AGTPBP1: variants seen among roughly 807,000 people sequenced by gnomAD.
The protein encoded by AGTPBP1 is ATP/GTP binding carboxypeptidase 1.
AGTPBP1 carries 70 observed loss-of-function variants against 143.9 expected under a neutral mutation model. That is an observed-to-expected ratio of 0.49 (90% CI 0.40 to 0.59). AGTPBP1 has a LOEUF of 0.59. AGTPBP1 is among the 20% of genes least tolerant of loss of function. The pLI is 0.00. For missense variants in AGTPBP1, 1,229 were observed against 1,464.5 expected, an observed-to-expected ratio of 0.84 and a Z score of 2.62; for synonymous variants, 463 against 500.2, an observed-to-expected ratio of 0.93 and a Z score of 0.99.
Position 85,741,912 on chromosome 9 carries a change from G to GGCGGCAGCT in AGTPBP1, c.-172_-171insAGCTGCCGC, listed in dbSNP as rs1554747178. ...CGGTGGCAGGCGAGGCGGAGGCGGC[G>GGCGGCAGCT]GCGGCGGCAGCTGCGGCGGCGGCGC... is the stretch of plus-strand genomic sequence containing the variant. On this transcript the variant is annotated 5_prime_UTR_variant, in exon 1 of 26. Coordinates refer to ENST00000357081, the MANE Select transcript of AGTPBP1 (RefSeq NM_001330701.2). 4 of 1,329,770 alleles carry GGCGGCAGCT rather than the reference G, an allele frequency of 3.0e-6. No individual in the cohort carries two copies. In the African/African-American group the frequency reaches 6.2e-5, roughly 20 times the overall value. The allele number at this position is 1,329,770 out of a possible 1,614,324, so 82.4% of individuals were successfully genotyped here.
chr9:85,591,849 C>T (rs1011814519), intron 19 of AGTPBP1, among the ~76,000 whole-genome samples: 3 of 152,018 alleles, frequency 2.0e-5, no homozygotes, highest in Admixed American at 6.6e-5. Flanking sequence ...GTAAATTGAT[C>T]ACATCTTCAT....
intron 11 of AGTPBP1, among the ~76,000 whole-genome samples, chr9:85,648,799 G>A (rs1163318010): frequency 1.3e-5 from 2 of 152,104 alleles, no homozygotes; most frequent in South Asian, 2.1e-4. Context: ...GCAACAGTGC[G>A]AGACTCCGTC....
intron 8 of AGTPBP1, among the ~76,000 whole-genome samples, chr9:85,663,155 A>C (rs1208357939): frequency 2.0e-5 from 3 of 152,184 alleles, no homozygotes; most frequent in Non-Finnish European, 2.9e-5. Context: ...AATACCAGAA[A>C]ATGAAAGCTG....
At chr9:85,599,723 T>C (rs935294458) in intron 17 of AGTPBP1, among the ~76,000 whole-genome samples, 1 of 152,250 alleles carries the variant, frequency 6.6e-6, no homozygotes, top group African/African-American at 2.4e-5. Context: ...CTTCACTCTG[T>C]ACATTTTCTG....
At chr9:85,782,472 G>A in the AGTPBP1 span, among the ~76,000 whole-genome samples, 3 of 152,134 alleles carry the variant, frequency 2.0e-5, no homozygotes, top group East Asian at 3.9e-4. Flanking sequence ...CTGAGATCAC[G>A]ACATTGCACC....
At chr9:85,643,594 C>CAGTG (rs1273494376) in intron 12 of AGTPBP1, among the ~76,000 whole-genome samples, 1 of 152,132 alleles carries the variant, frequency 6.6e-6, no homozygotes. Context: ...TGTCACCATT[C>CAGTG]ACTCTGTTTT....
the AGTPBP1 span, among the ~76,000 whole-genome samples, chr9:85,776,780 G>T: frequency 6.6e-6 from 1 of 152,208 alleles, no homozygotes; most frequent in South Asian, 2.1e-4. Flanking sequence ...CTGAAACAAA[G>T]ACCTCTAGGC....
At chr9:85,548,863 C>T (rs986269652) in intron 25 of AGTPBP1, among the ~76,000 whole-genome samples, 1 of 151,900 alleles carries the variant, frequency 6.6e-6, no homozygotes, top group East Asian at 1.9e-4. Context: ...TTAGTAGAGA[C>T]GAGGTTTCAC....
chr9:85,701,437 C>T (rs1218734758), intron 2 of AGTPBP1, among the ~76,000 whole-genome samples: 2 of 151,920 alleles, frequency 1.3e-5, no homozygotes, highest in South Asian at 2.1e-4. Flanking sequence ...ACCATGTTAG[C>T]CAGGCTGGTC....
At chr9:85,669,435 C>A in intron 8 of AGTPBP1, 50 bp downstream of exon 8, 1 of 1,179,406 alleles carries the variant, frequency 8.5e-7, no homozygotes, top group East Asian at 2.5e-5. Context: ...ATAATGAGGC[C>A]CAGAGTAACA....
At chr9:85,742,661 A>G (rs1434587983), upstream of AGTPBP1, among the ~76,000 whole-genome samples, 1 of 152,188 alleles carries the variant, frequency 6.6e-6, no homozygotes. Context: ...CAAAACGGTA[A>G]TGCTAAGTTG....
chr9:85,608,084 C>T (rs373649751), intron 17 of AGTPBP1, among the ~76,000 whole-genome samples: 3 of 151,984 alleles, frequency 2.0e-5, no homozygotes, highest in East Asian at 3.9e-4. Flanking sequence ...TTCAGCATTA[C>T]TAGAAGACAG....
chr9:85,752,015 G>A, the AGTPBP1 span, among the ~76,000 whole-genome samples: 1 of 149,822 alleles, frequency 6.7e-6, no homozygotes, highest in Non-Finnish European at 1.5e-5. Context: ...GATCACCTGA[G>A]TTCAGGTGTT....
intron 17 of AGTPBP1, among the ~76,000 whole-genome samples, chr9:85,603,730 G>C (rs1829815779): frequency 6.6e-6 from 1 of 152,164 alleles, no homozygotes; most frequent in Non-Finnish European, 1.5e-5. Flanking sequence ...TTCGGGACCT[G>C]CCCCAGGCCA....
chr9:85,637,830 A>G (rs566738222), intron 13 of AGTPBP1, among the ~76,000 whole-genome samples: 23 of 152,368 alleles, frequency 1.5e-4, no homozygotes, highest in Middle Eastern at 3.4e-3. Flanking sequence ...GTAACCAGAG[A>G]AAGAGACTAA....
In AGTPBP1 at chr9:85,734,934, G is replaced by T. The variant is rs576554125; in HGVS notation, c.-34+6841C>A. On this transcript the variant is annotated intron_variant, in intron 1 of 25. Coordinates refer to ENST00000357081, the MANE Select transcript of AGTPBP1 (RefSeq NM_001330701.2). The stretch of plus-strand genomic sequence containing the variant: ...ACTTGTAGTCCCAGCTACTTAGGAG[G>T]CTGAGGCAGGAGAATCACTTGAACC... Among the ~76,000 whole-genome samples, 5 of 152,262 alleles carry T rather than the reference G, an allele frequency of 3.3e-5. No homozygotes were observed. In the South Asian group the frequency reaches 1.0e-3, roughly 32 times the overall value.
At chr9:85,602,438 C>T (rs1441746685) in intron 17 of AGTPBP1, among the ~76,000 whole-genome samples, 1 of 152,008 alleles carries the variant, frequency 6.6e-6, no homozygotes, top group African/African-American at 2.4e-5. Context: ...TCAAATAACC[C>T]AGTCAGACAC....
rs145524767 is a variant in AGTPBP1, at chr9:85,631,896, A to C, written c.2015+766T>G. ...TATTCACTCATTGGCAATATTTAAT[A>C]TCATTTGCAATATCTAATCTTACTT... On this transcript the variant is annotated intron_variant, in intron 14 of 25. Coordinates refer to ENST00000357081, the MANE Select transcript of AGTPBP1 (RefSeq NM_001330701.2). 4.8e-3 allele frequency among the ~76,000 whole-genome samples: 736 copies of C among 152,308 alleles called. 5 individuals carry two copies. The highest frequency in any genetic ancestry group is 0.017 in the African/African-American group (700 of 41,574).
upstream of AGTPBP1, among the ~76,000 whole-genome samples, chr9:85,745,679 T>C (rs1290161129): frequency 6.6e-6 from 1 of 152,168 alleles, no homozygotes; most frequent in Non-Finnish European, 1.5e-5. Context: ...AAACTGTGAA[T>C]GATATATAAT....
Sources: gnomAD v4.1 joint callset for allele counts (sites outside exome capture counted in the v4.1 genomes callset) on GRCh38, gnomAD v4.1.1 for gene constraint, MANE v1.5 for transcripts, NCBI Gene and HGNC (gene_info 2026-07-23, HGNC 2026-07-21) for gene names.